NCOA1: variants seen among roughly 807,000 people sequenced by gnomAD.
NCOA1 encodes the protein Hin-2 protein.
A neutral mutation model predicts 150.9 loss-of-function variants in NCOA1; 35 were observed. That is an observed-to-expected ratio of 0.23 (90% CI 0.18 to 0.31). The LOEUF is 0.31. Ranked by LOEUF, NCOA1 falls within the 10% of genes least tolerant of loss-of-function variation. The pLI, the probability that NCOA1 is intolerant of heterozygous loss-of-function variation, is 1.00. For synonymous variants in NCOA1, 590 were observed against 630.0 expected, an observed-to-expected ratio of 0.94 and a Z score of 0.95; for missense variants, 1,491 against 1,749.3, an observed-to-expected ratio of 0.85 and a Z score of 2.63.
At chr2:24,582,987 T>G in intron 2 of NCOA1, among the ~76,000 whole-genome samples, 1 of 152,168 alleles carries the variant, frequency 6.6e-6, no homozygotes, top group Non-Finnish European at 1.5e-5. Context: ...TCTGAAATGC[T>G]TCAGGATATT....
chr2:24,494,446 A>G (rs1030156147), intron 1 of NCOA1, among the ~76,000 whole-genome samples: 1 of 152,184 alleles, frequency 6.6e-6, no homozygotes, highest in Non-Finnish European at 1.5e-5. Flanking sequence ...GCCTTAAGCC[A>G]TGTGGCTTAA....
Position 24,770,553 on chromosome 2 carries a change from C to A in NCOA1, c.*2162C>A. ...TTCCTGTCATTCCACAGGAAATTCA[C>A]TTTTCCAGCTACTGAATAGAATTTG... On this transcript the variant is annotated 3_prime_UTR_variant, in exon 23 of 23. Coordinates refer to ENST00000348332, the MANE Select transcript of NCOA1 (RefSeq NM_003743.5). 4.6e-6 allele frequency: 1 copy of A among 216,226 alleles called. No homozygotes were observed. Among genetic ancestry groups the A allele is most frequent in the Admixed American group, 5.8e-5 (1 of 17,242 alleles). 13.4% of individuals were successfully genotyped at this position (216,226 alleles called of 1,614,324 possible). A position where few individuals can be genotyped will look rare whatever the true frequency, so the allele number is the denominator to read the frequency against.
intron 3 of NCOA1, among the ~76,000 whole-genome samples, chr2:24,588,259 T>A (rs1191951615): frequency 6.6e-6 from 1 of 152,106 alleles, no homozygotes; most frequent in East Asian, 1.9e-4. Flanking sequence ...AATTTTTCTG[T>A]TTTTGTAGAG....
chr2:24,711,372 C>T (rs1194799056), intron 14 of NCOA1: 1 of 286,142 alleles, frequency 3.5e-6, no homozygotes, highest in African/African-American at 2.2e-5. Context: ...TCGTCTCACC[C>T]AAAACACCCC....
chr2:24,629,994 C>T (rs1273679737), intron 3 of NCOA1, among the ~76,000 whole-genome samples: 9 of 151,616 alleles, frequency 5.9e-5, no homozygotes, highest in Admixed American at 2.0e-4. Flanking sequence ...CAGGCATCTG[C>T]CATCACGCCC....
chr2:24,734,795 C>T (rs1376567498), intron 17 of NCOA1, among the ~76,000 whole-genome samples: 1 of 144,500 alleles, frequency 6.9e-6, no homozygotes, highest in African/African-American at 2.5e-5. Flanking sequence ...CAGAGCAAGA[C>T]CTTGTCTCTA....
At chr2:24,544,404 G>A (rs916168921) in intron 1 of NCOA1, among the ~76,000 whole-genome samples, 1 of 152,150 alleles carries the variant, frequency 6.6e-6, no homozygotes, top group African/African-American at 2.4e-5. Flanking sequence ...TGCGGAGATG[G>A]AAGAGGTGAT....
chr2:24,712,708 A>G lies in NCOA1; in HGVS notation c.2599+1597A>G, dbSNP rs943954042. Among the ~76,000 whole-genome samples the G allele has an allele frequency of 3.8e-4, 58 of 152,084 alleles. 1 individual carries two copies. Among genetic ancestry groups the G allele is most frequent in the African/African-American group, 1.1e-3 (47 of 41,426 alleles). On this transcript the variant is annotated intron_variant, in intron 14 of 22. Coordinates refer to ENST00000348332, the MANE Select transcript of NCOA1 (RefSeq NM_003743.5). ...AGAAATTTTAGAAAGATAAAAATGT[A>G]TTACCCCTGAAAATATGGAAAGGGA... is the stretch of plus-strand genomic sequence containing the variant.
At chr2:24,719,028 CAAAAAAAAAAAAA>C (rs59556004) in intron 14 of NCOA1, among the ~76,000 whole-genome samples, 4 of 34,466 alleles carry the variant, frequency 1.2e-4, no homozygotes, top group African/African-American at 3.8e-4. Flanking sequence ...GACTCTGTCC[CAAAAAAAAAAAAA>C]AAAAAAAAAA....
chr2:24,725,608 C>G (rs1448593398), intron 14 of NCOA1, among the ~76,000 whole-genome samples: 1 of 151,906 alleles, frequency 6.6e-6, no homozygotes, highest in East Asian at 1.9e-4. Context: ...CAATTCAGCC[C>G]ATAACAATGA....
rs532325841 is a variant in NCOA1 at position 24,552,684 on chromosome 2, C to A, written c.-395-11611C>A. On this transcript the variant is annotated intron_variant, in intron 1 of 22. Transcript: ENST00000348332. ...CCGGCCTGTGCTTTATATTTTTGAG[C>A]ACAAAAATCTTGCATTTATTTTGTT... Among the ~76,000 whole-genome samples, 31 of 151,980 alleles carry A rather than the reference C, an allele frequency of 2.0e-4. 2 individuals carry two copies. The highest frequency in any genetic ancestry group is 1.6e-3 in the Admixed American group (24 of 15,260).
At chr2:24,672,344 G>A (rs1671725768) in intron 6 of NCOA1, among the ~76,000 whole-genome samples, 1 of 152,056 alleles carries the variant, frequency 6.6e-6, no homozygotes, top group Non-Finnish European at 1.5e-5. Flanking sequence ...CCGAATGGTG[G>A]CTATATTAAT....
chr2:24,553,344 G>A (rs532656101), intron 1 of NCOA1, among the ~76,000 whole-genome samples: 34 of 151,688 alleles, frequency 2.2e-4, no homozygotes, highest in African/African-American at 7.7e-4. Context: ...TCAGCCTCCC[G>A]AGTAGCTGGG....
At chr2:24,733,104 AAG>A (rs1348945543) in intron 17 of NCOA1, among the ~76,000 whole-genome samples, 2 of 152,196 alleles carry the variant, frequency 1.3e-5, no homozygotes, top group Non-Finnish European at 2.9e-5. Flanking sequence ...TTCTGTCTTC[AAG>A]AAAGAAGGGG....
chr2:24,694,883 C>A (rs1314304806), intron 10 of NCOA1, among the ~76,000 whole-genome samples: 1 of 151,146 alleles, frequency 6.6e-6, no homozygotes, highest in Non-Finnish European at 1.5e-5. Flanking sequence ...AAATAGAGTC[C>A]ATTGAAAAAG....
intron 3 of NCOA1, among the ~76,000 whole-genome samples, chr2:24,624,410 CAG>C (rs2148415271): frequency 6.6e-6 from 1 of 152,276 alleles, no homozygotes; most frequent in East Asian, 1.9e-4. Context: ...CTGTCATAAT[CAG>C]AGAAAATAAG....
Position 24,707,407 on chromosome 2 carries a change from G to A in NCOA1, c.1937G>A (p.Arg646Gln), listed in dbSNP as rs1290678870. The A allele has an allele frequency of 1.9e-6, 3 of 1,614,016 alleles. No individual in the cohort carries two copies. Among genetic ancestry groups the A allele is most frequent in the Non-Finnish European group, 1.7e-6 (2 of 1,180,036 alleles). ...ACAACAACTGCCGAACAGCAGTTAC[G>A]GCATGCTGATATAGACACAAGCTGC... ...LLTTTAEQQL[R>Q]HADIDTSCKD... The change falls in exon 13 of 23, where the codon CGG becomes CAG. Residue 646 changes from arginine to glutamine, a missense_variant. By Grantham distance (43) the Arg-to-Gln change is conservative (BLOSUM62 1). This residue lies in a region of NCOA1 where 703 missense variants were observed against 717.7 expected (regional missense o/e 0.98). Transcript: ENST00000348332.
chr2:24,581,643 A>C (rs544783759), intron 2 of NCOA1, among the ~76,000 whole-genome samples: 2 of 152,124 alleles, frequency 1.3e-5, no homozygotes, highest in African/African-American at 4.8e-5. Context: ...TTCAGCTCCA[A>C]GGTGATAACA....
At chr2:24,658,921 A>G in intron 5 of NCOA1, 155 bp downstream of exon 5, 2 of 649,704 alleles carry the variant, frequency 3.1e-6, no homozygotes, top group South Asian at 1.9e-5. Flanking sequence ...GTCTTTGCAC[A>G]TGTTTCTCCC....
Sources: gnomAD v4.1 joint callset for allele counts (sites outside exome capture counted in the v4.1 genomes callset) on GRCh38, gnomAD v4.1.1 for gene constraint, gnomAD v4.1.1 regional missense constraint, MANE v1.5 for transcripts, NCBI Gene and HGNC (gene_info 2026-07-23, HGNC 2026-07-21) for gene names.